The following CLSTN2 variants were observed in gnomAD, a reference collection of about 807,000 sequenced individuals.
CLSTN2 encodes the protein calsyntenin 2.
CLSTN2 carries 48 observed loss-of-function variants against 101.2 expected under a neutral mutation model. The ratio of observed to expected loss-of-function variants is 0.47; its 90% CI spans 0.38 to 0.60. CLSTN2 has a LOEUF of 0.60. Ranked by LOEUF, CLSTN2 falls within the 20% of genes least tolerant of loss-of-function variation. The pLI is 0.00. For missense variants in CLSTN2, 1,160 were observed against 1,238.2 expected (o/e 0.94, Z 0.95); for synonymous variants, 481 against 463.6 (o/e 1.04, Z -0.48).
chr3:139,982,970 ATACTT>A (rs1004998800), intron 1 of CLSTN2, among the ~76,000 whole-genome samples: 1 of 140,776 alleles, frequency 7.1e-6, no homozygotes, highest in Non-Finnish European at 1.5e-5. Flanking sequence ...TACACTATAT[ATACTT>A]TATATATATA....
rs6771211 is a variant in CLSTN2 at position 140,171,685 on chromosome 3, A to T, written c.110-4266A>T. Among the ~76,000 whole-genome samples, 13 of 8,504 alleles carry T rather than the reference A, an allele frequency of 1.5e-3. No individual in the cohort carries two copies. The East Asian group carries it at 0.12, about 82-fold the overall frequency. 5.6% of individuals were successfully genotyped at this position (8,504 alleles called of 152,430 possible). On this transcript the variant is annotated intron_variant, in intron 1 of 16. Coordinates refer to ENST00000458420, the MANE Select transcript of CLSTN2 (RefSeq NM_022131.3). ...ATTATATATAATATGTATTATATAT[A>T]ATATATATTAATATATAATATGTAT...
chr3:140,173,524 C>A (rs1040644184), intron 1 of CLSTN2, among the ~76,000 whole-genome samples: 2 of 152,210 alleles, frequency 1.3e-5, no homozygotes, highest in Non-Finnish European at 2.9e-5. Flanking sequence ...CTAGGCGATT[C>A]CCCAGTAGGG....
chr3:140,162,158 C>G (rs563159313), intron 1 of CLSTN2, among the ~76,000 whole-genome samples: 2 of 152,096 alleles, frequency 1.3e-5, no homozygotes, highest in Non-Finnish European at 2.9e-5. Context: ...GCAAAGAAAG[C>G]AAATACTATC....
intron 1 of CLSTN2, among the ~76,000 whole-genome samples, chr3:140,123,509 T>C (rs1415833735): frequency 6.6e-6 from 1 of 152,148 alleles, no homozygotes; most frequent in Non-Finnish European, 1.5e-5. Context: ...TTCTAGAGCA[T>C]GCGGGATACC....
rs77662684 is a variant in CLSTN2 at position 140,303,602 on chromosome 3, C to G, written c.233-100027C>G. Among the ~76,000 whole-genome samples the G allele has an allele frequency of 2.3e-3, 355 of 152,172 alleles. 6 individuals carry two copies. In the East Asian group the frequency reaches 0.061, roughly 26 times the overall value. On this transcript the variant is annotated intron_variant, in intron 2 of 16. Coordinates refer to ENST00000458420, the MANE Select transcript of CLSTN2 (RefSeq NM_022131.3). ...TTTACTTCCAAAATTTAAAATATATCCAACTGAAGGTCACTTGGGGAAAAG... is the reference window on the plus strand; with the variant it reads ...TTTACTTCCAAAATTTAAAATATATGCAACTGAAGGTCACTTGGGGAAAAG...
At chr3:140,251,937 C>T (rs139577653) in intron 2 of CLSTN2, among the ~76,000 whole-genome samples, 29 of 152,052 alleles carry the variant, frequency 1.9e-4, no homozygotes, top group South Asian at 1.5e-3. Flanking sequence ...CTGTGACACA[C>T]GTAGGAATTG....
At chr3:139,972,834 G>T (rs1935739220) in intron 1 of CLSTN2, among the ~76,000 whole-genome samples, 1 of 152,176 alleles carries the variant, frequency 6.6e-6, no homozygotes, top group Non-Finnish European at 1.5e-5. Context: ...CCCACAGGTG[G>T]CTCTCAGTAG....
chr3:140,019,372 G>A (rs1326902300), intron 1 of CLSTN2, among the ~76,000 whole-genome samples: 3 of 152,158 alleles, frequency 2.0e-5, no homozygotes, highest in Non-Finnish European at 2.9e-5. Flanking sequence ...GACCTCCCCT[G>A]GGTAAGAAGG....
chr3:140,203,794 T>C (rs1029592630), intron 2 of CLSTN2, among the ~76,000 whole-genome samples: 2 of 152,074 alleles, frequency 1.3e-5, no homozygotes, highest in African/African-American at 4.8e-5. Flanking sequence ...GTAGGAACAA[T>C]GACAGAGGAA....
chr3:140,423,031 A>T (rs2088522818), intron 5 of CLSTN2, among the ~76,000 whole-genome samples: 1 of 152,184 alleles, frequency 6.6e-6, no homozygotes, highest in Non-Finnish European at 1.5e-5. Context: ...TATGCATGAA[A>T]TATGTTCACA....
At chr3:140,407,585 A>G (rs1333555729) in intron 4 of CLSTN2, among the ~76,000 whole-genome samples, 1 of 152,336 alleles carries the variant, frequency 6.6e-6, no homozygotes, top group Non-Finnish European at 1.5e-5. Flanking sequence ...AGAGCACTCA[A>G]TAAGTGGTGC....
At chr3:140,397,523 A>C (rs1223217802) in intron 2 of CLSTN2, among the ~76,000 whole-genome samples, 1 of 152,214 alleles carries the variant, frequency 6.6e-6, no homozygotes, top group Non-Finnish European at 1.5e-5. Flanking sequence ...TTTATTTCTC[A>C]CAGTTCTGGA....
chr3:140,049,509 G>T (rs1387246380), intron 1 of CLSTN2, among the ~76,000 whole-genome samples: 5 of 152,152 alleles, frequency 3.3e-5, no homozygotes, highest in Admixed American at 3.3e-4. Flanking sequence ...TCTCTTCTCA[G>T]CCTCCCTGAG....
At chr3:140,515,495 T>C (rs1934900294) in intron 8 of CLSTN2, among the ~76,000 whole-genome samples, 1 of 152,284 alleles carries the variant, frequency 6.6e-6, no homozygotes, top group African/African-American at 2.4e-5. Flanking sequence ...CTTACTGATG[T>C]AGGGATTTAA....
intron 5 of CLSTN2, among the ~76,000 whole-genome samples, chr3:140,442,327 C>T (rs59509858): frequency 0.033 from 5,070 of 152,220 alleles, 283 homozygotes; most frequent in African/African-American, 0.11. Context: ...CAGACAACTA[C>T]GTCCAAGAGC....
chr3:140,566,494 C>T lies in CLSTN2; in HGVS notation c.*241C>T. 5.6e-6 allele frequency: 3 copies of T among 531,756 alleles called. No individual in the cohort carries two copies. In the South Asian group the frequency reaches 7.9e-5, roughly 14 times the overall value. 32.9% of individuals were successfully genotyped at this position (531,756 alleles called of 1,614,324 possible). On this transcript the variant is annotated 3_prime_UTR_variant, in exon 17 of 17. Transcript: ENST00000458420. ...AGGGTAGACTTTGTCCTGTAGCCTC[C>T]ACTTCTGCCCTAAGTTCCCCAGCAT...
chr3:139,957,283 C>T (rs1448711124), intron 1 of CLSTN2, among the ~76,000 whole-genome samples: 1 of 152,112 alleles, frequency 6.6e-6, no homozygotes, highest in Non-Finnish European at 1.5e-5. Context: ...GGCAGCACCA[C>T]TTACTCTCCC....
chr3:139,975,405 C>T (rs1455127802), intron 1 of CLSTN2, among the ~76,000 whole-genome samples: 5 of 152,240 alleles, frequency 3.3e-5, no homozygotes, highest in East Asian at 1.9e-4. Flanking sequence ...CCACTGTCTC[C>T]GTAGTGCCTG....
rs566289292 is a variant in CLSTN2, at chr3:140,421,305, G to A, written c.787+31G>A. The A allele has an allele frequency of 2.9e-5, 47 of 1,613,068 alleles. 2 individuals are homozygous for A. The South Asian group carries it at 4.8e-4, about 17-fold the overall frequency. ...CCTGTTTTATCAGTCTTGTGTGAAGGCAGCATGGTCTGATGTATAGAAGGT... is the reference window on the plus strand; with the variant it reads ...CCTGTTTTATCAGTCTTGTGTGAAGACAGCATGGTCTGATGTATAGAAGGT... On this transcript the variant is annotated intron_variant, in intron 5 of 16. Coordinates refer to ENST00000458420, the MANE Select transcript of CLSTN2 (RefSeq NM_022131.3).
Sources: allele counts gnomAD v4.1 joint callset (sites outside exome capture counted in the v4.1 genomes callset), GRCh38; gene constraint gnomAD v4.1.1; transcripts MANE v1.5; gene names NCBI Gene and HGNC (gene_info 2026-07-23, HGNC 2026-07-21).